The following CLOCK variants were observed in gnomAD, a reference collection of about 807,000 sequenced individuals.
CLOCK encodes the protein clock circadian regulator.
A neutral mutation model predicts 118.4 loss-of-function variants in CLOCK; 43 were observed. The observed-to-expected ratio is 0.36, with a 90% CI of 0.28 to 0.47. The LOEUF (loss-of-function observed/expected upper bound fraction) is 0.47. CLOCK is among the 20% of genes least tolerant of loss of function. The probability of loss-of-function intolerance (pLI) is 1.00; values close to 1 mark genes in which losing one functional copy is unlikely to be tolerated. For synonymous variants in CLOCK, 326 were observed against 339.2 expected, an observed-to-expected ratio of 0.96 and a Z score of 0.43; for missense variants, 846 against 999.9, an observed-to-expected ratio of 0.85 and a Z score of 2.08.
chr4:55,528,137 A>G (rs1158058425), intron 1 of CLOCK, among the ~76,000 whole-genome samples: 2 of 152,042 alleles, frequency 1.3e-5, no homozygotes, highest in African/African-American at 4.8e-5. Context: ...GTGGGTGGTC[A>G]GGAGTTCAAG....
chr4:55,448,593 CACGCGCGCGTGTGTGTGT>C (rs1420026008), intron 18 of CLOCK, among the ~76,000 whole-genome samples, 168 bp downstream of exon 18: 6 of 64,892 alleles, frequency 9.2e-5, no homozygotes, highest in South Asian at 6.5e-4. Context: ...TGCGCGCGCG[CACGCGCGCGTGTGTGTGT>C]GTGTGTGTGT....
At chr4:55,461,801 T>C (rs1725362040) in intron 9 of CLOCK, among the ~76,000 whole-genome samples, 1 of 152,164 alleles carries the variant, frequency 6.6e-6, no homozygotes, top group African/African-American at 2.4e-5. Flanking sequence ...ATTTACCTGA[T>C]TTTGTTTTTC....
chr4:55,490,091 A>G (rs970834655), intron 2 of CLOCK, among the ~76,000 whole-genome samples: 1 of 130,726 alleles, frequency 7.6e-6, no homozygotes, highest in Non-Finnish European at 1.7e-5. Context: ...GGCTGAATGG[A>G]TTTAAAAAAA....
rs570447290 is a variant in CLOCK at position 55,532,426 on chromosome 4, C to CA, written c.-290+14355dup. ...GCAGAAAGCCCTAAAGAAGAATCCA[C>CA]AAAAAAACTGTTAGTACTAATACAT... is the stretch of plus-strand genomic sequence containing the variant. On this transcript the variant is annotated intron_variant, in intron 1 of 22. Transcript: ENST00000513440. Among the ~76,000 whole-genome samples the CA allele has an allele frequency of 4.2e-3, 645 of 151,886 alleles. 2 individuals are homozygous for CA. Among genetic ancestry groups the CA allele is most frequent in the Non-Finnish European group, 5.5e-3 (376 of 67,950 alleles).
chr4:55,478,747 A>T (rs1460027782), intron 6 of CLOCK, 68 bp downstream of exon 6: 1 of 1,482,126 alleles, frequency 6.7e-7, no homozygotes, highest in East Asian at 2.3e-5. Flanking sequence ...TCCAATCTTA[A>T]GCATCTCTGC....
chr4:55,448,397 T>C (rs533108511), intron 18 of CLOCK, among the ~76,000 whole-genome samples: 1 of 152,310 alleles, frequency 6.6e-6, no homozygotes, highest in South Asian at 2.1e-4. Flanking sequence ...TGTTATGGCA[T>C]ATTAGGCAGG....
At position 55,432,681 on chromosome 4, in the gene CLOCK, AAGC is replaced by A. The variant is rs1722601030; in HGVS notation, c.*2731_*2733del. 6.6e-6 allele frequency: 1 copy of A among 151,922 alleles called. No individual in the cohort carries two copies. The highest frequency in any genetic ancestry group is 2.4e-5 in the African/African-American group (1 of 41,392). The allele number at this position is 151,922 out of a possible 1,614,324, so 9.4% of individuals were successfully genotyped here. On this transcript the variant is annotated 3_prime_UTR_variant, in exon 23 of 23. Transcript: ENST00000513440. ...ATTTAAGAGAATCAGGAGGAAAACA[AAGC>A]AGCAAAGAGGCAGCTGGTGCTTACT...
intron 1 of CLOCK, among the ~76,000 whole-genome samples, chr4:55,533,075 C>T (rs1730660459): frequency 1.3e-5 from 2 of 152,024 alleles, no homozygotes; most frequent in Admixed American, 6.6e-5. Flanking sequence ...CAATGTAATC[C>T]CTGTCAAATT....
At chr4:55,454,566 G>C (rs549680162) in intron 13 of CLOCK, among the ~76,000 whole-genome samples, 1 of 122,174 alleles carries the variant, frequency 8.2e-6, no homozygotes, top group South Asian at 2.8e-4. Context: ...AGTGAGCTGA[G>C]ACACGCCACT....
At chr4:55,466,956 C>T (rs954337509) in intron 8 of CLOCK, among the ~76,000 whole-genome samples, 4 of 152,108 alleles carry the variant, frequency 2.6e-5, no homozygotes, top group African/African-American at 7.2e-5. Context: ...ATTAGGTCAA[C>T]GTTACCATTT....
chr4:55,448,679 A>G (rs1724151701), intron 18 of CLOCK, 100 bp downstream of exon 18: 3 of 790,290 alleles, frequency 3.8e-6, no homozygotes, highest in Non-Finnish European at 4.2e-6. Flanking sequence ...CTGTGGCTAC[A>G]GGTGCTTGCC....
chr4:55,495,737 CA>C (rs1377968969), intron 2 of CLOCK, among the ~76,000 whole-genome samples: 1 of 152,112 alleles, frequency 6.6e-6, no homozygotes, highest in East Asian at 1.9e-4. Context: ...CCCCACCTCC[CA>C]CTCATTCTGC....
intron 3 of CLOCK, among the ~76,000 whole-genome samples, chr4:55,484,773 G>A (rs1411956728): frequency 6.6e-6 from 1 of 152,144 alleles, no homozygotes; most frequent in East Asian, 1.9e-4. Context: ...GGGGGTGGTG[G>A]CGGGGACTAG....
intron 1 of CLOCK, among the ~76,000 whole-genome samples, chr4:55,542,371 T>TG (rs2110123473): frequency 4.9e-5 from 1 of 20,536 alleles, no homozygotes; most frequent in African/African-American, 1.6e-4. Flanking sequence ...ATAATAATAA[T>TG]AATAATAATA....
In CLOCK at chr4:55,431,258, A is replaced by G. The variant is rs1407268526; in HGVS notation, c.*4157T>C. 6.6e-6 allele frequency: 1 copy of G among 152,210 alleles called. No homozygotes were observed. Among genetic ancestry groups the G allele is most frequent in the Admixed American group, 6.5e-5 (1 of 15,284 alleles). The allele number at this position is 152,210 out of a possible 1,614,324, so 9.4% of individuals were successfully genotyped here. A position where few individuals can be genotyped will look rare whatever the true frequency, so the allele number is the denominator to read the frequency against. ...AGCACTATCTTTTGGTAGGCTGACAATAGGCACATTACCCATGCGGATGAG... is the reference window on the plus strand; with the variant it reads ...AGCACTATCTTTTGGTAGGCTGACAGTAGGCACATTACCCATGCGGATGAG... On this transcript the variant is annotated 3_prime_UTR_variant, in exon 23 of 23. Transcript: ENST00000513440.
rs549372194 is a variant in CLOCK, at chr4:55,523,024, A to G, written c.-289-12959T>C. 1.2e-4 allele frequency among the ~76,000 whole-genome samples: 18 copies of G among 152,250 alleles called. No individual in the cohort carries two copies. The East Asian group carries it at 3.3e-3, about 28-fold the overall frequency. On this transcript the variant is annotated intron_variant, in intron 1 of 22. Transcript: ENST00000513440. ...TAAGACAAACGAACAGGCTGGGCGC[A>G]GTGGCTCATGCCTGTAATCCCAGCA... is the stretch of plus-strand genomic sequence containing the variant.
At chr4:55,470,688 G>A (rs775539220) in intron 8 of CLOCK, 29 bp downstream of exon 8, 13 of 1,436,332 alleles carry the variant, frequency 9.1e-6, no homozygotes, top group South Asian at 1.2e-5. Context: ...ATTTTAATAC[G>A]AAGTAGATTG....
intron 2 of CLOCK, among the ~76,000 whole-genome samples, chr4:55,490,770 TTATCCACAGTTGGTTG>T (rs1411358543): frequency 1.3e-5 from 2 of 152,338 alleles, no homozygotes; most frequent in South Asian, 2.1e-4. Flanking sequence ...CTGAATATTT[TTATCCACAGTTGGTTG>T]AATCCACAGA....
Position 55,427,958 on chromosome 4 carries a change from C to T in CLOCK, c.*7457G>A, listed in dbSNP as rs554445281. 1 of 152,144 alleles carries T rather than the reference C, an allele frequency of 6.6e-6. No individual in the cohort carries two copies. The highest frequency in any genetic ancestry group is 1.5e-5 in the Non-Finnish European group (1 of 68,036). The allele number at this position is 152,144 out of a possible 1,614,324, so 9.4% of individuals were successfully genotyped here. A position where few individuals can be genotyped will look rare whatever the true frequency, so the allele number is the denominator to read the frequency against. ...TTTCTTTAAAATCCAAAATGTGATT[C>T]TTACAAGTTATGTGCCACATGAAGC... On this transcript the variant is annotated 3_prime_UTR_variant, in exon 23 of 23. Coordinates refer to ENST00000513440, the MANE Select transcript of CLOCK (RefSeq NM_004898.4).
Sources: gnomAD v4.1 joint callset for allele counts (sites outside exome capture counted in the v4.1 genomes callset) on GRCh38, gnomAD v4.1.1 for gene constraint, MANE v1.5 for transcripts, NCBI Gene and HGNC (gene_info 2026-07-23, HGNC 2026-07-21) for gene names.